NTM: variants seen among roughly 807,000 people sequenced by gnomAD.
The protein encoded by NTM is IgLON family member 2.
Under a neutral mutation model 42.1 loss-of-function variants are expected in NTM, and 13 were observed. The observed-to-expected ratio is 0.31, with a 90% CI of 0.20 to 0.49. The LOEUF is 0.49. NTM is among the 20% of genes least tolerant of loss of function. The pLI is 0.99. For missense variants in NTM, 373 were observed against 452.8 expected, an observed-to-expected ratio of 0.82 and a Z score of 1.60; for synonymous variants, 187 against 179.2, an observed-to-expected ratio of 1.04 and a Z score of -0.35.
At chr11:132,151,774 T>C (rs1320139072) in intron 3 of NTM, among the ~76,000 whole-genome samples, 2 of 152,156 alleles carry the variant, frequency 1.3e-5, no homozygotes, top group Admixed American at 6.5e-5. Flanking sequence ...GTCTATGGAA[T>C]AGGGCAGGAA....
At position 131,742,572 on chromosome 11, in the gene NTM, T is replaced by C. The variant is rs140620858; in HGVS notation, c.83-168992T>C. Among the ~76,000 whole-genome samples, 413 of 150,968 alleles carry C rather than the reference T, an allele frequency of 2.7e-3. 2 individuals are homozygous for C. The highest frequency in any genetic ancestry group is 4.5e-3 in the Non-Finnish European group (308 of 67,700). On this transcript the variant is annotated intron_variant, in intron 1 of 8. Coordinates refer to ENST00000683400, the MANE Select transcript of NTM (RefSeq NM_001352005.2). ...TTTGTGAATTACATAGAATCTATGA[T>C]TTTAGGCAAGCTGTTTCCAGTATTA...
intron 1 of NTM, among the ~76,000 whole-genome samples, chr11:131,806,525 G>T (rs910571158): frequency 2.0e-5 from 3 of 152,094 alleles, no homozygotes; most frequent in Non-Finnish European, 4.4e-5. Flanking sequence ...TTATGAGAAA[G>T]ATTGTTGAGG....
intron 3 of NTM, among the ~76,000 whole-genome samples, chr11:132,196,717 C>T (rs2080278328): frequency 1.3e-5 from 2 of 152,030 alleles, no homozygotes; most frequent in South Asian, 4.1e-4. Context: ...GTGGGAGCTA[C>T]ACATTGAATA....
At chr11:131,410,540 A>C (rs1387966607) in intron 1 of NTM, among the ~76,000 whole-genome samples, 1 of 150,032 alleles carries the variant, frequency 6.7e-6, no homozygotes, top group African/African-American at 2.4e-5. Flanking sequence ...AAAAAAAAAA[A>C]AAACAGAGAA....
chr11:131,560,131 A>G (rs895780364), intron 1 of NTM, among the ~76,000 whole-genome samples: 5 of 152,204 alleles, frequency 3.3e-5, no homozygotes, highest in African/African-American at 1.2e-4. Flanking sequence ...TCTGCAGGTA[A>G]AAGTTTTGAA....
intron 1 of NTM, among the ~76,000 whole-genome samples, chr11:131,719,415 G>T (rs1188879092): frequency 6.6e-6 from 1 of 152,198 alleles, no homozygotes; most frequent in Non-Finnish European, 1.5e-5. Context: ...TTCAAAGAGA[G>T]GGGTGAAGAT....
At chr11:131,482,087 G>C (rs142070437) in intron 1 of NTM, among the ~76,000 whole-genome samples, 1 of 152,206 alleles carries the variant, frequency 6.6e-6, no homozygotes, top group Non-Finnish European at 1.5e-5. Context: ...TGGGCCAAGG[G>C]ACCCAAGGTT....
chr11:131,512,607 C>T (rs554163444), intron 1 of NTM, among the ~76,000 whole-genome samples: 81 of 152,328 alleles, frequency 5.3e-4, no homozygotes, highest in African/African-American at 1.9e-3. Context: ...TCTCCTGTTC[C>T]CCCCACAGCA....
chr11:131,467,385 C>T (rs1951995927), intron 1 of NTM, among the ~76,000 whole-genome samples: 1 of 152,200 alleles, frequency 6.6e-6, no homozygotes, highest in Non-Finnish European at 1.5e-5. Flanking sequence ...CACCTCCCAC[C>T]AGGAGGGCTC....
intron 1 of NTM, among the ~76,000 whole-genome samples, chr11:131,402,949 G>C (rs1178147413): frequency 1.3e-5 from 2 of 152,148 alleles, no homozygotes; most frequent in Non-Finnish European, 2.9e-5. Context: ...TAAAATAAAG[G>C]ATACTCCATG....
intron 1 of NTM, among the ~76,000 whole-genome samples, chr11:131,508,019 G>A (rs1339650459): frequency 6.6e-6 from 1 of 151,814 alleles, no homozygotes; most frequent in African/African-American, 2.4e-5. Context: ...GGCAACAAAA[G>A]CCAAAATTGA....
At chr11:131,546,570 C>T (rs984157876) in intron 1 of NTM, 2 of 152,232 alleles carry the variant, frequency 1.3e-5, no homozygotes, top group Non-Finnish European at 2.9e-5. Flanking sequence ...TCCACTGGTG[C>T]ACCAAGCTGT....
chr11:131,574,217 A>G (rs1176896427), intron 1 of NTM, among the ~76,000 whole-genome samples: 2 of 152,130 alleles, frequency 1.3e-5, no homozygotes, highest in Non-Finnish European at 2.9e-5. Context: ...TCATAGTTAT[A>G]GTGAACCATT....
chr11:131,784,876 TCA>T (rs1487054381), intron 1 of NTM, among the ~76,000 whole-genome samples: 1 of 152,202 alleles, frequency 6.6e-6, no homozygotes, highest in Non-Finnish European at 1.5e-5. Context: ...AATATTTTCA[TCA>T]GTGATAACCT....
rs905135408 is a variant in NTM at position 132,194,597 on chromosome 11, A to G, written c.401-17425A>G. On this transcript the variant is annotated intron_variant, in intron 3 of 8. Coordinates refer to ENST00000683400, the MANE Select transcript of NTM (RefSeq NM_001352005.2). ...ACTCTCACCAGACCTATGTAACATA[A>G]TACTGAAAGTCCTTGCCAGAGAAGT... is the stretch of plus-strand genomic sequence containing the variant. Among the ~76,000 whole-genome samples, 8 of 152,240 alleles carry G rather than the reference A, an allele frequency of 5.3e-5. 1 individual carries two copies. The highest frequency in any genetic ancestry group is 4.6e-4 in the Admixed American group (7 of 15,288).
At chr11:132,117,859 C>T (rs2064127111) in intron 2 of NTM, among the ~76,000 whole-genome samples, 2 of 152,326 alleles carry the variant, frequency 1.3e-5, no homozygotes, top group South Asian at 4.2e-4. Flanking sequence ...ACCCCAGACA[C>T]CTGTCCTACT....
At chr11:131,487,174 AGGT>A (rs777741552) in intron 1 of NTM, among the ~76,000 whole-genome samples, 7 of 152,220 alleles carry the variant, frequency 4.6e-5, no homozygotes, top group Non-Finnish European at 8.8e-5. Flanking sequence ...CCTGCCAGAA[AGGT>A]GGTCAGTCTC....
At chr11:132,331,384 G>A (rs1462795733) in intron 8 of NTM, among the ~76,000 whole-genome samples, 1 of 152,222 alleles carries the variant, frequency 6.6e-6, no homozygotes, top group Admixed American at 6.5e-5. Flanking sequence ...GGAATTCTCA[G>A]TAAGTTGTAT....
At chr11:132,242,265 A>G (rs1177901107) in intron 4 of NTM, among the ~76,000 whole-genome samples, 1 of 152,190 alleles carries the variant, frequency 6.6e-6, no homozygotes, top group Non-Finnish European at 1.5e-5. Context: ...GAGAGTCCCC[A>G]TCTTAACAAT....
Sources: allele counts gnomAD v4.1 joint callset (sites outside exome capture counted in the v4.1 genomes callset), GRCh38; gene constraint gnomAD v4.1.1; transcripts MANE v1.5; gene names NCBI Gene and HGNC (gene_info 2026-07-23, HGNC 2026-07-21).